CDH3: variants seen among roughly 807,000 people sequenced by gnomAD.
CDH3 encodes cadherin-3.
In CDH3, 54 loss-of-function variants were observed where a neutral mutation model predicts 82.0. The ratio of observed to expected loss-of-function variants is 0.66; its 90% CI spans 0.53 to 0.83. The LOEUF (loss-of-function observed/expected upper bound fraction) is 0.83, where lower values mean the gene tolerates loss of function less well. Among genes scored for constraint, CDH3 ranks in the 40% least tolerant of loss-of-function variants. CDH3 has a pLI of 0.00. For synonymous variants in CDH3, 446 were observed against 437.9 expected (o/e 1.02, Z -0.23); for missense variants, 1,054 against 1,084.6 (o/e 0.97, Z 0.40).
At chr16:68,657,420 A>G (rs527755944) in intron 2 of CDH3, among the ~76,000 whole-genome samples, 2 of 152,306 alleles carry the variant, frequency 1.3e-5, no homozygotes, top group Admixed American at 1.3e-4. Context: ...AGGCTGAGGT[A>G]GAAGAATTGC....
At chr16:68,678,727 G>T in intron 5 of CDH3, 35 bp from the exon 6 acceptor site, 2 of 1,614,136 alleles carry the variant, frequency 1.2e-6, no homozygotes, top group Non-Finnish European at 1.7e-6. Flanking sequence ...GAGGTGGGTG[G>T]CACCGGGCTG....
At position 68,698,423 on chromosome 16, in the gene CDH3, G is replaced by A. The variant is rs1313390300; in HGVS notation, c.*23G>A. ...TAGGCGGCCTGCCTGCAGGGCTGGGGACCAAACGTCAGGCCACAGAGCATC... is the reference window on the plus strand; with the variant it reads ...TAGGCGGCCTGCCTGCAGGGCTGGGAACCAAACGTCAGGCCACAGAGCATC... On this transcript the variant is annotated 3_prime_UTR_variant, in exon 16 of 16. Transcript: ENST00000264012. 1 of 1,608,568 alleles carries A rather than the reference G, an allele frequency of 6.2e-7. No homozygotes were observed. Among genetic ancestry groups the A allele is most frequent in the Admixed American group, 1.7e-5 (1 of 60,022 alleles).
Position 68,707,150 on chromosome 16 carries a change from TA to T in CDH3, c.99+11231del, listed in dbSNP as rs1176287923. ...GCAAGTATGCAGTGTCCTGTCTACA[TA>T]AAAGGAATGGCAAGGGCTAAGGGTT... On this transcript the variant is annotated intron_variant, in intron 1 of 2. Transcript: ENST00000569080. This position sits in a 1 kb window ranked among gnomAD's most constrained non-coding sequence, Gnocchi z 4.5. Among the ~76,000 whole-genome samples, 1 of 152,186 alleles carries T rather than the reference TA, an allele frequency of 6.6e-6. No individual in the cohort carries two copies. The highest frequency in any genetic ancestry group is 2.4e-5 in the African/African-American group (1 of 41,526).
chr16:68,690,486 A>G (rs1961532848), intron 12 of CDH3, among the ~76,000 whole-genome samples: 3 of 151,890 alleles, frequency 2.0e-5, no homozygotes, highest in Non-Finnish European at 4.4e-5. Context: ...AGTGGCGCAA[A>G]CCTGTAGTCC....
intron 15 of CDH3, among the ~76,000 whole-genome samples, chr16:68,697,630 CAGAATTTATA>C (rs1961769462): frequency 6.6e-6 from 1 of 152,156 alleles, no homozygotes; most frequent in Admixed American, 6.6e-5. Context: ...GCCTGGGCTT[CAGAATTTATA>C]AAAGATTCTC....
intron 1 of CDH3, among the ~76,000 whole-genome samples, chr16:68,709,594 G>A (rs753054753): frequency 3.9e-5 from 6 of 152,136 alleles, no homozygotes; most frequent in Non-Finnish European, 7.3e-5. Context: ...AAGGTGCTGG[G>A]ATTGTAGGCG....
intron 2 of CDH3, among the ~76,000 whole-genome samples, chr16:68,724,991 G>T (rs1484520891): frequency 6.6e-6 from 1 of 152,126 alleles, no homozygotes; most frequent in Non-Finnish European, 1.5e-5. Flanking sequence ...TGATTCCCTT[G>T]CTCTGAGAAG....
At chr16:68,685,157 A>C (rs1175564845) in intron 10 of CDH3, 48 bp from the exon 11 acceptor site, 2 of 1,606,792 alleles carry the variant, frequency 1.2e-6, no homozygotes, top group Non-Finnish European at 1.7e-6. Context: ...TGATGACATC[A>C]GAATTCTAAA....
downstream of CDH3, among the ~76,000 whole-genome samples, chr16:68,701,901 G>T (rs1459167662): frequency 6.6e-6 from 1 of 151,736 alleles, no homozygotes; most frequent in Non-Finnish European, 1.5e-5. Context: ...GCCTACGCCT[G>T]TAGTCCCCGC....
At chr16:68,672,021 T>C (rs567174217) in intron 2 of CDH3, among the ~76,000 whole-genome samples, 9 of 152,186 alleles carry the variant, frequency 5.9e-5, no homozygotes, top group Admixed American at 1.3e-4. Flanking sequence ...TGCAGTGAAC[T>C]TGAAAATAAG....
rs537611745 is a variant in CDH3, at chr16:68,677,733, G to A, written c.247-401G>A. ...AGCCTGGGTGGCAGAGCGAGACTCC[G>A]TCTCAAAAAAAGGAAAAGAAAGAAA... On this transcript the variant is annotated intron_variant, in intron 3 of 15. Coordinates refer to ENST00000264012, the MANE Select transcript of CDH3 (RefSeq NM_001793.6). Among the ~76,000 whole-genome samples, 99 of 152,208 alleles carry A rather than the reference G, an allele frequency of 6.5e-4. No homozygotes were observed. The South Asian group carries it at 8.5e-3, about 13-fold the overall frequency.
In CDH3 at chr16:68,684,624, T is replaced by C. The variant is rs748226942; in HGVS notation, c.1224T>C (p.Val408=). The change falls in exon 10 of 16, where the codon GTT becomes GTC. Residue 408 remains valine, a synonymous_variant. Transcript: ENST00000264012. ...CCAAAAACCAGCACACCCTGTACGTTGAAGTGACCAACGAGGCCCCTTTTG... is the reference window on the plus strand; with the variant it reads ...CCAAAAACCAGCACACCCTGTACGTCGAAGTGACCAACGAGGCCCCTTTTG... The part of the protein sequence containing the change: ...FEAKNQHTLY[V]EVTNEAPFVL... 5.6e-6 allele frequency: 9 copies of C among 1,614,198 alleles called. No individual in the cohort carries two copies. Among genetic ancestry groups the C allele is most frequent in the Non-Finnish European group, 7.6e-6 (9 of 1,180,036 alleles).
At chr16:68,677,108 A>G (rs1225031046) in intron 3 of CDH3, among the ~76,000 whole-genome samples, 1 of 152,110 alleles carries the variant, frequency 6.6e-6, no homozygotes, top group Admixed American at 6.6e-5. Context: ...CATGTTACCT[A>G]TTTCGTATAT....
chr16:68,709,588 T>G (rs1297911805), intron 1 of CDH3, among the ~76,000 whole-genome samples: 1 of 152,122 alleles, frequency 6.6e-6, no homozygotes, highest in African/African-American at 2.4e-5. Context: ...CCTCCCAAGG[T>G]GCTGGGATTG....
In CDH3 at chr16:68,684,665, C is replaced by A; in HGVS notation, c.1265C>A (p.Thr422Asn). 1.2e-6 allele frequency: 2 copies of A among 1,614,224 alleles called. No individual in the cohort carries two copies. Among genetic ancestry groups the A allele is most frequent in the South Asian group, 1.1e-5 (1 of 91,092 alleles). ...NEAPFVLKLP[T>N]STATIVVHVE... ...GCCCCTTTTGTGCTGAAGCTCCCAA[C>A]CTCCACAGCCACCATAGTGGTCCAC... The change falls in exon 10 of 16, where the codon ACC becomes AAC. Residue 422 changes from threonine (T) to asparagine (N), a missense_variant. Physicochemically the swap from Thr to Asn is moderately conservative, Grantham distance 65. Transcript: ENST00000264012.
Position 68,695,798 on chromosome 16 carries a change from C to T in CDH3, c.2155C>T (p.His719Tyr), listed in dbSNP as rs1961702788. 1 of 1,614,184 alleles carries T rather than the reference C, an allele frequency of 6.2e-7. No individual in the cohort carries two copies. The highest frequency in any genetic ancestry group is 8.5e-7 in the Non-Finnish European group (1 of 1,180,038). The change falls in exon 15 of 16, where the codon CAC becomes TAC. Residue 719 changes from histidine (H) to tyrosine (Y), a missense_variant. By Grantham distance (83) the His-to-Tyr change is moderately conservative (BLOSUM62 2). Coordinates refer to ENST00000264012, the MANE Select transcript of CDH3 (RefSeq NM_001793.6). The stretch of plus-strand genomic sequence containing the variant: ...ACAGGACTATGACATCACCCAGCTC[C>T]ACCGAGGTCTGGAGGCCAGGCCGGA... ...EDQDYDITQL[H>Y]RGLEARPEVV...
intron 1 of CDH3, chr16:68,722,326 A>C (rs1278352206): frequency 2.0e-5 from 3 of 152,180 alleles, no homozygotes; most frequent in African/African-American, 7.2e-5. Flanking sequence ...ATGTGGCCTG[A>C]AAAGTTGGAC....
At chr16:68,729,100 T>A (rs1022961117), downstream of CDH3, among the ~76,000 whole-genome samples, 2 of 151,310 alleles carry the variant, frequency 1.3e-5, no homozygotes, top group Non-Finnish European at 2.9e-5. Context: ...AGGTCAGGAG[T>A]TCGAGACCAG....
At chr16:68,693,341 T>C (rs948635802) in intron 13 of CDH3, among the ~76,000 whole-genome samples, 5 of 151,972 alleles carry the variant, frequency 3.3e-5, no homozygotes. Flanking sequence ...GCTGTAGCCA[T>C]AATCCAGGGG....
Sources: gnomAD v4.1 joint callset for allele counts (sites outside exome capture counted in the v4.1 genomes callset) on GRCh38, gnomAD v4.1.1 for gene constraint, Gnocchi (gnomAD v3.1) non-coding constraint, MANE v1.5 for transcripts, NCBI Gene and HGNC (gene_info 2026-07-23, HGNC 2026-07-21) for gene names.